Variants in ITGBL1 observed in about 807,000 individuals in gnomAD.
The protein encoded by ITGBL1 is integrin subunit beta like 1.
In ITGBL1, 51 loss-of-function variants were observed where a neutral mutation model predicts 68.5. The ratio of observed to expected loss-of-function variants is 0.74; its 90% CI spans 0.59 to 0.94. The LOEUF is 0.94. Among genes scored for constraint, ITGBL1 ranks in the 40% least tolerant of loss-of-function variants. The pLI, the probability that ITGBL1 is intolerant of heterozygous loss-of-function variation, is 0.00. For synonymous variants in ITGBL1, 209 were observed against 227.3 expected, an observed-to-expected ratio of 0.92 and a Z score of 0.72; for missense variants, 649 against 647.4, an observed-to-expected ratio of 1.00 and a Z score of -0.03.
At chr13:101,671,592 C>T (rs1318141628) in intron 7 of ITGBL1, among the ~76,000 whole-genome samples, 1 of 150,364 alleles carries the variant, frequency 6.7e-6, no homozygotes, top group African/African-American at 2.4e-5. Context: ...GCGCCCGCCA[C>T]CACGCCCGGC....
At chr13:101,600,607 A>C (rs996342672) in intron 7 of ITGBL1, among the ~76,000 whole-genome samples, 2 of 152,094 alleles carry the variant, frequency 1.3e-5, no homozygotes, top group African/African-American at 4.8e-5. Context: ...TTTGAGATAC[A>C]TCCCATCAAT....
intron 2 of ITGBL1, among the ~76,000 whole-genome samples, chr13:101,482,661 G>A (rs554663666): frequency 1.3e-5 from 2 of 152,186 alleles, no homozygotes; most frequent in East Asian, 3.9e-4. Flanking sequence ...ATAAAGTGAA[G>A]TAATTTAGGT....
chr13:101,513,141 A>G (rs999229464), intron 2 of ITGBL1, among the ~76,000 whole-genome samples: 1 of 152,096 alleles, frequency 6.6e-6, no homozygotes, highest in Non-Finnish European at 1.5e-5. Context: ...GGAACCCTCT[A>G]TGAGTAATGG....
chr13:101,609,553 C>T (rs1017748055), intron 7 of ITGBL1, among the ~76,000 whole-genome samples: 21 of 152,086 alleles, frequency 1.4e-4, no homozygotes, highest in African/African-American at 4.3e-4. Context: ...CGATCTCATT[C>T]AGGTTGATTT....
At chr13:101,540,559 C>A (rs191276844) in intron 2 of ITGBL1, among the ~76,000 whole-genome samples, 1 of 152,050 alleles carries the variant, frequency 6.6e-6, no homozygotes. Context: ...TCCATATGAA[C>A]TTTAAAGTAG....
At position 101,693,612 on chromosome 13, in the gene ITGBL1, A is replaced by ATCTGTCTG. The variant is rs201318111; in HGVS notation, c.1132+919_1132+926dup. 4.9e-4 allele frequency among the ~76,000 whole-genome samples: 67 copies of ATCTGTCTG among 137,896 alleles called. No individual in the cohort carries two copies. In the South Asian group the frequency reaches 4.9e-3, roughly 10 times the overall value. The allele number at this position is 137,896 out of a possible 152,430, so 90.5% of individuals were successfully genotyped here. ...GGCTGAGGCACCATCCATCCATCCT[A>ATCTGTCTG]TCTGTCTGTCTGTCTATCTATCTAT... On this transcript the variant is annotated intron_variant, in intron 8 of 10. Coordinates refer to ENST00000376180, the MANE Select transcript of ITGBL1 (RefSeq NM_004791.3).
At chr13:101,481,992 AG>A in intron 2 of ITGBL1, among the ~76,000 whole-genome samples, 1 of 152,226 alleles carries the variant, frequency 6.6e-6, no homozygotes, top group East Asian at 1.9e-4. Flanking sequence ...TGGGAGGCAA[AG>A]GAATGAGGGG....
At chr13:101,523,279 C>T (rs912436676) in intron 2 of ITGBL1, among the ~76,000 whole-genome samples, 3 of 152,134 alleles carry the variant, frequency 2.0e-5, no homozygotes, top group Admixed American at 6.6e-5. Context: ...GAAGGCCAGG[C>T]CTGGATGACA....
At chr13:101,671,426 G>GTTTTTTTGTTTTTT (rs2033358078) in intron 7 of ITGBL1, among the ~76,000 whole-genome samples, 1 of 112,640 alleles carries the variant, frequency 8.9e-6, no homozygotes, top group South Asian at 3.6e-4. Context: ...GTATACCTTT[G>GTTTTTTTGTTTTTT]TTTTTTTTTT....
intron 2 of ITGBL1, among the ~76,000 whole-genome samples, chr13:101,463,846 T>C (rs552171457): frequency 6.6e-6 from 1 of 152,008 alleles, no homozygotes; most frequent in East Asian, 1.9e-4. Context: ...CATTGGGTTG[T>C]GTGTTATTTA....
intron 2 of ITGBL1, 126 bp from the exon 3 acceptor site, chr13:101,567,573 A>T: frequency 2.5e-6 from 2 of 786,724 alleles, no homozygotes; most frequent in Non-Finnish European, 2.0e-6. Context: ...AGCCACTGCG[A>T]TATACATGAG....
rs1421267796 is a variant in ITGBL1 at position 101,575,497 on chromosome 13, G to T, written c.537G>T (p.Glu179Asp). The T allele has an allele frequency of 5.6e-6, 9 of 1,612,614 alleles. No individual in the cohort carries two copies. The African/African-American group carries it at 1.2e-4, about 22-fold the overall frequency. ...GSGLVYGKFC[E>D]CDDRECIDDE... is the part of the protein sequence containing the mutation. Reference sequence around the variant, plus strand: ...GACTTGTGTATGGTAAATTTTGTGAGTGTGACGATAGAGAATGCATAGACG... The same window carrying T: ...GACTTGTGTATGGTAAATTTTGTGATTGTGACGATAGAGAATGCATAGACG... The change falls in exon 4 of 11, where the codon GAG becomes GAT. Residue 179 changes from glutamate (E) to aspartate (D), a missense_variant. By Grantham distance (45) the Glu-to-Asp change is conservative (BLOSUM62 2). Coordinates refer to ENST00000376180, the MANE Select transcript of ITGBL1 (RefSeq NM_004791.3).
chr13:101,604,851 T>TAG, intron 7 of ITGBL1, among the ~76,000 whole-genome samples: 1 of 11,872 alleles, frequency 8.4e-5, no homozygotes, highest in Non-Finnish European at 1.9e-4. Flanking sequence ...AGGCAATATA[T>TAG]ATATATATAT....
At chr13:101,562,708 A>G (rs747751827) in intron 2 of ITGBL1, among the ~76,000 whole-genome samples, 2 of 151,982 alleles carry the variant, frequency 1.3e-5, no homozygotes, top group Non-Finnish European at 2.9e-5. Context: ...AAAAATCCAC[A>G]ATTGTAGTCA....
intron 3 of ITGBL1, among the ~76,000 whole-genome samples, chr13:101,571,863 T>C (rs2050278752): frequency 6.6e-6 from 1 of 152,174 alleles, no homozygotes; most frequent in East Asian, 1.9e-4. Context: ...AGCACAGGAC[T>C]GGATTCTATG....
chr13:101,712,553 A>G (rs547150661), intron 9 of ITGBL1: 17 of 152,298 alleles, frequency 1.1e-4, no homozygotes, highest in African/African-American at 3.9e-4. Context: ...GGGTGTATAT[A>G]TGAATATTAT....
At chr13:101,552,239 T>C (rs1416020099) in intron 2 of ITGBL1, among the ~76,000 whole-genome samples, 2 of 152,186 alleles carry the variant, frequency 1.3e-5, no homozygotes, top group Non-Finnish European at 2.9e-5. Context: ...AGATGGGGCA[T>C]CAGAACAGAG....
chr13:101,489,542 G>C (rs547447335), intron 2 of ITGBL1, among the ~76,000 whole-genome samples: 1 of 152,122 alleles, frequency 6.6e-6, no homozygotes, highest in Non-Finnish European at 1.5e-5. Flanking sequence ...GATTTGGAGA[G>C]AGCAGCTGAC....
At chr13:101,571,980 A>G (rs974388338) in intron 3 of ITGBL1, among the ~76,000 whole-genome samples, 1 of 152,150 alleles carries the variant, frequency 6.6e-6, no homozygotes, top group Non-Finnish European at 1.5e-5. Flanking sequence ...GTGCACATAT[A>G]TTTTTATATT....
Sources: allele counts gnomAD v4.1 joint callset (sites outside exome capture counted in the v4.1 genomes callset), GRCh38; gene constraint gnomAD v4.1.1; transcripts MANE v1.5; gene names NCBI Gene and HGNC (gene_info 2026-07-23, HGNC 2026-07-21).